The following SASH1 variants were observed in gnomAD, a reference collection of about 807,000 sequenced individuals.
SASH1 encodes SAM and SH3 domain containing 1, also known as SAM and SH3 domain-containing protein 1.
SASH1 carries 44 observed loss-of-function variants against 125.2 expected under a neutral mutation model. The ratio of observed to expected loss-of-function variants is 0.35; its 90% CI spans 0.28 to 0.45. The LOEUF (loss-of-function observed/expected upper bound fraction) is 0.45, where lower values mean the gene tolerates loss of function less well. Among genes scored for constraint, SASH1 ranks in the 20% least tolerant of loss-of-function variants. The probability of loss-of-function intolerance (pLI) is 1.00; values close to 1 mark genes in which losing one functional copy is unlikely to be tolerated. For missense variants in SASH1, 1,426 were observed against 1,614.5 expected (o/e 0.88, Z 2.00); for synonymous variants, 639 against 649.1 (o/e 0.98, Z 0.24).
intron 4 of SASH1, among the ~76,000 whole-genome samples, chr6:148,444,283 C>A (rs1776684941): frequency 1.3e-5 from 2 of 152,208 alleles, no homozygotes; most frequent in Admixed American, 6.5e-5. Context: ...AACATCACTT[C>A]TGTCAGTAGT....
chr6:148,194,479 C>G, the SASH1 span, among the ~76,000 whole-genome samples: 24 of 152,196 alleles, frequency 1.6e-4, no homozygotes, highest in African/African-American at 5.5e-4. Context: ...AACAAATTAT[C>G]TTTTCGTGGC....
At chr6:148,525,058 C>A in intron 10 of SASH1, 1 of 511,558 alleles carries the variant, frequency 2.0e-6, no homozygotes, top group East Asian at 3.4e-5. Flanking sequence ...TAAGGGGATT[C>A]TAGACCTCTG....
intron 2 of SASH1, among the ~76,000 whole-genome samples, chr6:148,407,923 G>A (rs1045919542): frequency 7.9e-5 from 12 of 151,556 alleles, no homozygotes; most frequent in Non-Finnish European, 1.2e-4. Context: ...GTGAGCCACC[G>A]CACCCAGCTA....
intron 15 of SASH1, 28 bp downstream of exon 15, chr6:148,534,008 GCTA>G (rs778570840): frequency 6.2e-7 from 1 of 1,600,456 alleles, no homozygotes; most frequent in Non-Finnish European, 8.6e-7. Context: ...CTTGTCACAC[GCTA>G]CTACCTCACT....
At chr6:148,294,333 C>T (rs1582926833) in intron 1 of SASH1, among the ~76,000 whole-genome samples, 1 of 152,214 alleles carries the variant, frequency 6.6e-6, no homozygotes, top group Admixed American at 6.5e-5. Flanking sequence ...CGGTTGAGAA[C>T]ACAGACCTCA....
chr6:148,283,798 T>C (rs1316388123), intron 1 of SASH1, among the ~76,000 whole-genome samples: 1 of 152,066 alleles, frequency 6.6e-6, no homozygotes, highest in Non-Finnish European at 1.5e-5. Context: ...TCCCCACTTG[T>C]GTGTATCTGA....
chr6:148,487,637 C>A lies in SASH1; in HGVS notation c.651C>A (p.His217Gln), dbSNP rs763983389. 1 of 1,613,500 alleles carries A rather than the reference C, an allele frequency of 6.2e-7. No homozygotes were observed. Among genetic ancestry groups the A allele is most frequent in the African/African-American group, 1.3e-5 (1 of 75,008 alleles). Residue 217 changes from histidine to glutamine, a missense_variant, in exon 8 of 20, where the codon CAC becomes CAA. His to Gln is a conservative substitution (Grantham distance 24). This residue lies in a region of SASH1 where 567 missense variants were observed against 575.6 expected (regional missense o/e 0.99). Coordinates refer to ENST00000367467, the MANE Select transcript of SASH1 (RefSeq NM_015278.5). The part of the protein sequence containing the change: ...LARLKEYEAQ[H>Q]RQSAALDPAD... Reference sequence around the variant, plus strand: ...AGCTCAAGGAATACGAGGCCCAGCACCGGCAGTCGGCTGCCCTGGACCCTG... The same window carrying A: ...AGCTCAAGGAATACGAGGCCCAGCAACGGCAGTCGGCTGCCCTGGACCCTG...
chr6:148,261,868 G>T, the SASH1 span, among the ~76,000 whole-genome samples: 3 of 152,140 alleles, frequency 2.0e-5, no homozygotes, highest in Non-Finnish European at 4.4e-5. Context: ...GGCATGGTGG[G>T]GGATGGGCTT....
rs202027615 is a variant in SASH1 at position 148,534,901 on chromosome 6, A to C, written c.2095A>C (p.Ser699Arg). ...AGTGGAGCTGTTACAAGAGTATGAC[A>C]GTAAGTCCCTGTATGCACAGAGGTG... ...TAVELLQEYD[S>R]NSDQSGSQEK... Residue 699 changes from serine to arginine, a missense_variant and splice_region_variant, in exon 16 of 20, where the codon AGT becomes CGT. Transcript: ENST00000367467. The C allele has an allele frequency of 2.5e-6, 4 of 1,613,986 alleles. No individual in the cohort carries two copies. The highest frequency in any genetic ancestry group is 1.3e-5 in the African/African-American group (1 of 74,934).
chr6:148,548,682 C>A lies in SASH1; in HGVS notation c.*124C>A. On this transcript the variant is annotated 3_prime_UTR_variant, in exon 20 of 20. Transcript: ENST00000367467. ...TCCAGAAGAAAGGCCTGGCGTGTGG[C>A]CAAACAGCGTGAAACCTTGGCACAG... is the stretch of plus-strand genomic sequence containing the variant. 8.4e-7 allele frequency: 1 copy of A among 1,193,368 alleles called. No individual in the cohort carries two copies. The highest frequency in any genetic ancestry group is 1.2e-6 in the Non-Finnish European group (1 of 863,688). The allele number at this position is 1,193,368 out of a possible 1,614,324, so 73.9% of individuals were successfully genotyped here.
At chr6:148,253,142 A>G in the SASH1 span, among the ~76,000 whole-genome samples, 1 of 152,232 alleles carries the variant, frequency 6.6e-6, no homozygotes, top group Admixed American at 6.5e-5. Context: ...CCTAAAAAAG[A>G]AGAGCAAAGC....
chr6:148,426,140 C>T (rs895761405), intron 2 of SASH1, among the ~76,000 whole-genome samples: 9 of 152,006 alleles, frequency 5.9e-5, no homozygotes, highest in African/African-American at 1.4e-4. Flanking sequence ...ACCTGGGAGG[C>T]GGAGGCTGCA....
At chr6:148,350,746 C>T (rs1332132252) in intron 1 of SASH1, among the ~76,000 whole-genome samples, 1 of 152,226 alleles carries the variant, frequency 6.6e-6, no homozygotes, top group Non-Finnish European at 1.5e-5. Flanking sequence ...CAGAGACTGA[C>T]TCTCACTATC....
At chr6:148,307,325 T>A (rs957702943) in intron 1 of SASH1, among the ~76,000 whole-genome samples, 11 of 151,220 alleles carry the variant, frequency 7.3e-5, no homozygotes. Context: ...GCCATGTTGG[T>A]CAGGCTGGTC....
In SASH1 at chr6:148,519,782, C is replaced by G. The variant is rs753644093; in HGVS notation, c.1098C>G (p.Pro366=). ...KGESRGLIKP[P]KKMGTFFSYP... ...AGAGCCGGGGCCTGATTAAGCCCCC[C>G]AAGAAGATGGGGACATTCTTCTCCT... Residue 366 remains proline (P), a synonymous_variant, in exon 10 of 20, where the codon CCC becomes CCG. Coordinates refer to ENST00000367467, the MANE Select transcript of SASH1 (RefSeq NM_015278.5). This position sits in a 1 kb window ranked among gnomAD's most constrained non-coding sequence, Gnocchi z 4.8. 6.2e-7 allele frequency: 1 copy of G among 1,613,960 alleles called. No individual in the cohort carries two copies. Among genetic ancestry groups the G allele is most frequent in the Admixed American group, 1.7e-5 (1 of 60,004 alleles).
rs1437311337 is a variant in SASH1, at chr6:148,298,697, GGAAGGAAGGAAGGAA to G, written n.74+26330_74+26344del. 1.1e-3 allele frequency among the ~76,000 whole-genome samples: 87 copies of G among 81,052 alleles called. 1 individual carries two copies. The highest frequency in any genetic ancestry group is 6.8e-3 in the Middle Eastern group (1 of 148). 53.2% of individuals were successfully genotyped at this position (81,052 alleles called of 152,430 possible). ...AGGAAGGAAGGAAGGAAGGAAGGAA[GGAAGGAAGGAAGGAA>G]GAAGGAAGGGAAAGGAGGGAGGGAG... On this transcript the variant is annotated intron_variant and non_coding_transcript_variant, in intron 1 of 3. Coordinates refer to the SASH1 transcript ENST00000367469.
chr6:148,417,369 A>C (rs891128244), intron 2 of SASH1, among the ~76,000 whole-genome samples: 1 of 151,994 alleles, frequency 6.6e-6, no homozygotes, highest in Non-Finnish European at 1.5e-5. Context: ...GGCGGATCAC[A>C]AGGTCAAGAG....
At chr6:148,305,615 CT>C (rs1476850604) in intron 1 of SASH1, among the ~76,000 whole-genome samples, 19 of 120,624 alleles carry the variant, frequency 1.6e-4, no homozygotes, top group Admixed American at 1.2e-3. Flanking sequence ...CAGAGCGAGA[CT>C]CTGACTCAAA....
intron 4 of SASH1, among the ~76,000 whole-genome samples, chr6:148,463,037 T>A (rs1187472154): frequency 6.6e-6 from 1 of 152,110 alleles, no homozygotes; most frequent in Non-Finnish European, 1.5e-5. Context: ...GTGTTCCTCC[T>A]CCTACTCTAT....
Sources: allele counts gnomAD v4.1 joint callset (sites outside exome capture counted in the v4.1 genomes callset), GRCh38; gene constraint gnomAD v4.1.1; regional missense constraint gnomAD v4.1.1; non-coding constraint Gnocchi (gnomAD v3.1); transcripts MANE v1.5; gene names NCBI Gene and HGNC (gene_info 2026-07-23, HGNC 2026-07-21).